The following HMGN3 variants were observed in gnomAD, a reference collection of about 807,000 sequenced individuals.
HMGN3 encodes the protein high mobility group nucleosomal binding domain 3.
HMGN3 carries 6 observed loss-of-function variants against 18.8 expected under a neutral mutation model. That is an observed-to-expected ratio of 0.32 (90% CI 0.18 to 0.63). HMGN3 has a LOEUF of 0.63. Among genes scored for constraint, HMGN3 ranks in the 30% least tolerant of loss-of-function variants. The pLI, the probability that HMGN3 is intolerant of heterozygous loss-of-function variation, is 0.79. For missense variants in HMGN3, 107 were observed against 114.2 expected, an observed-to-expected ratio of 0.94 and a Z score of 0.29; for synonymous variants, 40 against 36.5, an observed-to-expected ratio of 1.10 and a Z score of -0.35.
At chr6:79,221,539 G>A (rs1777284756) in intron 1 of HMGN3, among the ~76,000 whole-genome samples, 1 of 152,168 alleles carries the variant, frequency 6.6e-6, no homozygotes, top group African/African-American at 2.4e-5. Flanking sequence ...AATCAACAAG[G>A]TTTGCTGACC....
At chr6:79,232,729 A>G (rs546129241) in intron 1 of HMGN3, among the ~76,000 whole-genome samples, 1 of 152,130 alleles carries the variant, frequency 6.6e-6, no homozygotes, top group East Asian at 1.9e-4. Context: ...CATTATACAT[A>G]AAGTGTGCAC....
chr6:79,220,871 G>C (rs1777249494), intron 1 of HMGN3, among the ~76,000 whole-genome samples: 1 of 152,140 alleles, frequency 6.6e-6, no homozygotes, highest in South Asian at 2.1e-4. Flanking sequence ...TTATCTTTAG[G>C]GGGGATGATA....
intron 1 of HMGN3, among the ~76,000 whole-genome samples, chr6:79,230,515 C>A (rs903932062): frequency 2.6e-5 from 4 of 152,092 alleles, no homozygotes; most frequent in African/African-American, 9.7e-5. Context: ...TCAGCACTAG[C>A]CAGTAGGTTT....
intron 1 of HMGN3, among the ~76,000 whole-genome samples, chr6:79,223,406 G>A (rs764480816): frequency 1.6e-4 from 24 of 152,212 alleles, no homozygotes; most frequent in Non-Finnish European, 3.1e-4. Flanking sequence ...AGCTACTCAG[G>A]AGACTGAGGC....
intron 1 of HMGN3, among the ~76,000 whole-genome samples, chr6:79,226,374 C>T (rs13217071): frequency 4.6e-5 from 7 of 152,116 alleles, no homozygotes; most frequent in African/African-American, 9.6e-5. Context: ...GAACGGGAAA[C>T]GGACACACCT....
chr6:79,208,417 C>A, intron 3 of HMGN3, 130 bp downstream of exon 3: 2 of 798,006 alleles, frequency 2.5e-6, no homozygotes, highest in East Asian at 2.5e-5. Context: ...GACATGAGGA[C>A]CCTAGGTAAT....
At chr6:79,223,639 G>A (rs1199343755) in intron 1 of HMGN3, among the ~76,000 whole-genome samples, 3 of 152,150 alleles carry the variant, frequency 2.0e-5, no homozygotes, top group African/African-American at 7.2e-5. Context: ...CTGGGAGGTG[G>A]AGGCTGCACT....
Position 79,234,543 on chromosome 6 carries a change from T to TA in HMGN3, c.15+2dup. Reference sequence around the variant, plus strand: ...TTTGAAATCTTTTTTTGGTAAGACTTACCTTTCTCTTCGGCATAATGACTA... The same window carrying TA: ...TTTGAAATCTTTTTTTGGTAAGACTTAACCTTTCTCTTCGGCATAATGACTA... On this transcript the variant is annotated splice_region_variant and intron_variant, in intron 1 of 5. Transcript: ENST00000344726. The TA allele has an allele frequency of 6.2e-7, 1 of 1,612,058 alleles. No homozygotes were observed. Among genetic ancestry groups the TA allele is most frequent in the Non-Finnish European group, 8.5e-7 (1 of 1,178,452 alleles).
chr6:79,210,269 A>G (rs1172200728), intron 2 of HMGN3, among the ~76,000 whole-genome samples: 1 of 152,172 alleles, frequency 6.6e-6, no homozygotes, highest in African/African-American at 2.4e-5. Context: ...TAGAGGAGCA[A>G]AGAGCACCTT....
At position 79,214,962 on chromosome 6, in the gene HMGN3, A is replaced by C. The variant is rs1216397634; in HGVS notation, c.66+10T>G. ...AATAATTAAATATAGGATGTCAAAG[A>C]TATACTTACCTCCTGTTTAGTTACT... On this transcript the variant is annotated intron_variant, in intron 2 of 5. Transcript: ENST00000344726. 1 of 1,404,592 alleles carries C rather than the reference A, an allele frequency of 7.1e-7. No individual in the cohort carries two copies. The highest frequency in any genetic ancestry group is 1.4e-5 in the African/African-American group (1 of 69,516). The allele number at this position is 1,404,592 out of a possible 1,614,324, so 87.0% of individuals were successfully genotyped here.
chr6:79,227,939 A>G (rs535615884), intron 1 of HMGN3, among the ~76,000 whole-genome samples: 1 of 152,364 alleles, frequency 6.6e-6, no homozygotes, highest in South Asian at 2.1e-4. Context: ...AAGTAAAATT[A>G]GGATTACAAA....
intron 1 of HMGN3, among the ~76,000 whole-genome samples, chr6:79,215,982 C>T (rs1021693924): frequency 3.3e-5 from 5 of 152,120 alleles, no homozygotes; most frequent in African/African-American, 4.8e-5. Flanking sequence ...ACATTTGACA[C>T]GATGTTTGGC....
At chr6:79,209,240 A>G (rs1408473658) in intron 2 of HMGN3, among the ~76,000 whole-genome samples, 1 of 152,220 alleles carries the variant, frequency 6.6e-6, no homozygotes, top group Admixed American at 6.5e-5. Flanking sequence ...GTAGAAATTG[A>G]TATTTTGGGG....
intron 1 of HMGN3, among the ~76,000 whole-genome samples, chr6:79,233,065 CGTAA>C (rs766371167): frequency 2.0e-5 from 3 of 152,194 alleles, no homozygotes; most frequent in Non-Finnish European, 2.9e-5. Flanking sequence ...CCCACCCTTT[CGTAA>C]GTGAGTACGA....
intron 1 of HMGN3, among the ~76,000 whole-genome samples, chr6:79,230,879 C>A (rs747870920): frequency 6.6e-6 from 1 of 151,976 alleles, no homozygotes; most frequent in African/African-American, 2.4e-5. Context: ...AAGTAATATT[C>A]TTTTCAAAAT....
At chr6:79,231,973 TTATC>T (rs1315300003) in intron 1 of HMGN3, among the ~76,000 whole-genome samples, 5 of 152,172 alleles carry the variant, frequency 3.3e-5, no homozygotes, top group Non-Finnish European at 7.3e-5. Flanking sequence ...TTCATTGACT[TTATC>T]TGTACCACTT....
intron 1 of HMGN3, among the ~76,000 whole-genome samples, chr6:79,229,812 A>T (rs189209226): frequency 6.6e-6 from 1 of 152,022 alleles, no homozygotes; most frequent in Non-Finnish European, 1.5e-5. Flanking sequence ...CGGGAGGCGG[A>T]GCTTGCAGTG....
intron 1 of HMGN3, among the ~76,000 whole-genome samples, chr6:79,217,700 T>A (rs1473461308): frequency 1.3e-5 from 2 of 152,166 alleles, no homozygotes; most frequent in Non-Finnish European, 2.9e-5. Context: ...TCTTATCACA[T>A]AACCCTCTCC....
Position 79,222,910 on chromosome 6 carries a change from C to T in HMGN3, c.16-7888G>A, listed in dbSNP as rs370332006. On this transcript the variant is annotated intron_variant, in intron 1 of 5. Transcript: ENST00000344726. ...GAACGCTTCTTTAGAAGACTTTGAA[C>T]TGAAATAAATAGCAACTCTCTCTTT... 8.5e-5 allele frequency among the ~76,000 whole-genome samples: 13 copies of T among 152,202 alleles called. No homozygotes were observed. In the South Asian group the frequency reaches 1.5e-3, roughly 17 times the overall value.
Sources: gnomAD v4.1 joint callset for allele counts (sites outside exome capture counted in the v4.1 genomes callset) on GRCh38, gnomAD v4.1.1 for gene constraint, MANE v1.5 for transcripts, NCBI Gene and HGNC (gene_info 2026-07-23, HGNC 2026-07-21) for gene names.